SEMA3D: variants seen among roughly 807,000 people sequenced by gnomAD.
SEMA3D encodes semaphorin-3D.
A neutral mutation model predicts 100.1 loss-of-function variants in SEMA3D; 84 were observed. The observed-to-expected ratio is 0.84, with a 90% CI of 0.70 to 1.01. The LOEUF is 1.01. Among genes scored for constraint, SEMA3D ranks in the 50% least tolerant of loss-of-function variants. The probability of loss-of-function intolerance (pLI) is 0.00; values close to 1 mark genes in which losing one functional copy is unlikely to be tolerated. For synonymous variants in SEMA3D, 312 were observed against 320.7 expected, an observed-to-expected ratio of 0.97 and a Z score of 0.29; for missense variants, 875 against 934.1, an observed-to-expected ratio of 0.94 and a Z score of 0.82.
intron 18 of SEMA3D, among the ~76,000 whole-genome samples, chr7:85,004,592 TCTC>T (rs1009655211): frequency 5.3e-5 from 8 of 152,172 alleles, no homozygotes; most frequent in African/African-American, 1.4e-4. Context: ...AAGGAAATGT[TCTC>T]CTCCTGGCAG....
intron 8 of SEMA3D, among the ~76,000 whole-genome samples, chr7:85,063,672 T>C (rs557749327): frequency 6.6e-6 from 1 of 152,196 alleles, no homozygotes; most frequent in African/African-American, 2.4e-5. Flanking sequence ...AGTGGCCTCT[T>C]GTCTCTCTGT....
chr7:85,212,153 T>C, the SEMA3D span, among the ~76,000 whole-genome samples: 1 of 152,030 alleles, frequency 6.6e-6, no homozygotes, highest in Middle Eastern at 3.2e-3. Flanking sequence ...GTACAAATGG[T>C]ATAGGGGAAT....
At position 85,045,201 on chromosome 7, in the gene SEMA3D, C is replaced by A. The variant is rs150129461; in HGVS notation, c.862-2916G>T. 2.2e-4 allele frequency among the ~76,000 whole-genome samples: 33 copies of A among 151,960 alleles called. No homozygotes were observed. The East Asian group carries it at 5.8e-3, about 27-fold the overall frequency. ...GGAAAAGGACAATGGGTGGAACAAT[C>A]CAGGACATCTAGGAGAATCAGGATA... On this transcript the variant is annotated intron_variant, in intron 9 of 18. Coordinates refer to ENST00000284136, the MANE Select transcript of SEMA3D (RefSeq NM_001384900.1).
chr7:85,159,229 C>T (rs957455668), intron 1 of SEMA3D, among the ~76,000 whole-genome samples: 3 of 152,098 alleles, frequency 2.0e-5, no homozygotes, highest in African/African-American at 7.2e-5. Flanking sequence ...TGTTAAATTG[C>T]AGTTTCCAGG....
At chr7:85,103,049 A>C (rs1332496514) in intron 3 of SEMA3D, among the ~76,000 whole-genome samples, 2 of 152,088 alleles carry the variant, frequency 1.3e-5, no homozygotes, top group Non-Finnish European at 2.9e-5. Context: ...TAGGCATTAC[A>C]TATTAAAATT....
chr7:85,186,517 G>A (rs1014408586), intron 1 of SEMA3D, among the ~76,000 whole-genome samples, 161 bp downstream of exon 1: 2 of 152,110 alleles, frequency 1.3e-5, no homozygotes, highest in African/African-American at 4.8e-5. Flanking sequence ...GTCCGCTCCC[G>A]GGAGCCTTCT....
the SEMA3D span, among the ~76,000 whole-genome samples, chr7:85,211,461 A>T: frequency 6.6e-6 from 1 of 152,104 alleles, no homozygotes; most frequent in Admixed American, 6.6e-5. Context: ...TATGAACATA[A>T]GAGCAGTTCA....
At chr7:85,192,580 A>G in the SEMA3D span, among the ~76,000 whole-genome samples, 11 of 152,156 alleles carry the variant, frequency 7.2e-5, no homozygotes, top group Non-Finnish European at 5.9e-5. Context: ...TGCCCAATTT[A>G]ACGTCGGAGC....
At chr7:85,077,442 G>GTA in intron 5 of SEMA3D, among the ~76,000 whole-genome samples, 1 of 151,794 alleles carries the variant, frequency 6.6e-6, no homozygotes, top group African/African-American at 2.4e-5. Flanking sequence ...ACGTGTGTGT[G>GTA]TATATATATT....
At chr7:85,173,793 A>T (rs976680156) in intron 1 of SEMA3D, among the ~76,000 whole-genome samples, 2 of 152,148 alleles carry the variant, frequency 1.3e-5, no homozygotes, top group Non-Finnish European at 2.9e-5. Flanking sequence ...TGTAGAAAGT[A>T]ACTTGCCTGA....
Position 85,090,907 on chromosome 7 carries a change from T to C in SEMA3D, c.312+6898A>G, listed in dbSNP as rs149481478. Among the ~76,000 whole-genome samples, 347 of 152,180 alleles carry C rather than the reference T, an allele frequency of 2.3e-3. 3 individuals carry two copies. Among genetic ancestry groups the C allele is most frequent in the African/African-American group, 7.8e-3 (323 of 41,526 alleles). ...TGTAAAATTATAAATTCATTTAGGT[T>C]AGTTATTTTCACAATATAAATGCTC... On this transcript the variant is annotated intron_variant, in intron 4 of 18. Transcript: ENST00000284136.
intron 1 of SEMA3D, among the ~76,000 whole-genome samples, chr7:85,173,334 T>C (rs1253676605): frequency 6.6e-6 from 1 of 152,096 alleles, no homozygotes; most frequent in Non-Finnish European, 1.5e-5. Flanking sequence ...CTGATCAGCT[T>C]CTATAACTGG....
intron 2 of SEMA3D, chr7:85,141,644 C>A (rs770364394): frequency 2.0e-6 from 2 of 984,176 alleles, no homozygotes; most frequent in Non-Finnish European, 2.4e-6. Flanking sequence ...CCCATCAGAG[C>A]AAATCTAAAT....
intron 11 of SEMA3D, among the ~76,000 whole-genome samples, chr7:85,039,190 A>C (rs766249712): frequency 1.3e-5 from 2 of 152,152 alleles, no homozygotes; most frequent in African/African-American, 2.4e-5. Flanking sequence ...GTCAAATTTA[A>C]GTTACTGAAT....
intron 1 of SEMA3D, among the ~76,000 whole-genome samples, chr7:85,168,798 C>CAAAG (rs139670825): frequency 1.7e-5 from 2 of 120,606 alleles, no homozygotes; most frequent in Non-Finnish European, 1.8e-5. Flanking sequence ...GGAAAGGTGA[C>CAAAG]AAAGAAAGAA....
chr7:85,053,453 T>C (rs1791223059), intron 9 of SEMA3D, among the ~76,000 whole-genome samples: 1 of 151,998 alleles, frequency 6.6e-6, no homozygotes, highest in South Asian at 2.1e-4. Flanking sequence ...CTTTTTTATG[T>C]GAAAATAAGA....
chr7:85,004,124 G>A (rs972501024), intron 18 of SEMA3D, among the ~76,000 whole-genome samples: 5 of 151,936 alleles, frequency 3.3e-5, no homozygotes, highest in Non-Finnish European at 5.9e-5. Context: ...AGGGTAGGAT[G>A]CGTGGGAGAC....
intron 3 of SEMA3D, among the ~76,000 whole-genome samples, chr7:85,119,669 A>G (rs1199700102): frequency 6.6e-6 from 1 of 152,168 alleles, no homozygotes; most frequent in Non-Finnish European, 1.5e-5. Flanking sequence ...ACAAGTTTTG[A>G]TACCTGTTTG....
chr7:85,223,692 CT>C, the SEMA3D span, among the ~76,000 whole-genome samples: 5 of 152,072 alleles, frequency 3.3e-5, no homozygotes, highest in Admixed American at 2.6e-4. Context: ...TATGTCCTCA[CT>C]TATCAGTGGG....
Sources: allele counts gnomAD v4.1 joint callset (sites outside exome capture counted in the v4.1 genomes callset), GRCh38; gene constraint gnomAD v4.1.1; transcripts MANE v1.5; gene names NCBI Gene and HGNC (gene_info 2026-07-23, HGNC 2026-07-21).